The following SNIP1 variants were observed in gnomAD, a reference collection of about 807,000 sequenced individuals.
SNIP1 encodes the protein Smad nuclear interacting protein 1.
SNIP1 carries 23 observed loss-of-function variants against 37.4 expected under a neutral mutation model. The observed-to-expected ratio is 0.61, with a 90% CI of 0.44 to 0.87. The LOEUF is 0.87. Among genes scored for constraint, SNIP1 ranks in the 40% least tolerant of loss-of-function variants. The pLI, the probability that SNIP1 is intolerant of heterozygous loss-of-function variation, is 0.00. For missense variants in SNIP1, 459 were observed against 540.4 expected (o/e 0.85, Z 1.49); for synonymous variants, 174 against 200.0 (o/e 0.87, Z 1.10).
chr1:37,538,556 G>A (rs371143890), intron 3 of SNIP1, among the ~76,000 whole-genome samples: 11 of 151,938 alleles, frequency 7.2e-5, no homozygotes, highest in African/African-American at 2.4e-4. Flanking sequence ...TGGAAGGTGG[G>A]GAGAATCCAT....
rs1553165370 is a variant in SNIP1 at position 37,535,230 on chromosome 1, T to TTTTATATATATATATATATATA, written c.*2517_*2518insTATATATATATATATATATAAA. The TTTTATATATATATATATATATA allele has an allele frequency of 1.6e-3, 28 of 17,268 alleles. 1 individual carries two copies. Among genetic ancestry groups the TTTTATATATATATATATATATA allele is most frequent in the Middle Eastern group, 0.019 (1 of 52 alleles). The allele number at this position is 17,268 out of a possible 1,614,324, so 1.1% of individuals were successfully genotyped here. On this transcript the variant is annotated 3_prime_UTR_variant, in exon 4 of 4. Coordinates refer to ENST00000296215, the MANE Select transcript of SNIP1 (RefSeq NM_024700.4). ...ACTAAAAAAAAATAAAAAATAAAAA[T>TTTTATATATATATATATATATA]TATATATATAAATTAGCCAGGCTTG... is the stretch of plus-strand genomic sequence containing the variant.
chr1:37,544,041 A>G (rs1643201679), intron 2 of SNIP1, among the ~76,000 whole-genome samples: 1 of 151,946 alleles, frequency 6.6e-6, no homozygotes, highest in Admixed American at 6.6e-5. Context: ...GCTACTCGGG[A>G]GGCTGAGGCA....
At chr1:37,543,913 G>A (rs532599764) in intron 2 of SNIP1, among the ~76,000 whole-genome samples, 5 of 152,158 alleles carry the variant, frequency 3.3e-5, no homozygotes, top group African/African-American at 4.8e-5. Flanking sequence ...GGGCAAGGGG[G>A]GGGGCAGGTC....
intron 2 of SNIP1, among the ~76,000 whole-genome samples, chr1:37,546,937 A>G (rs778638420): frequency 1.1e-4 from 17 of 152,194 alleles, no homozygotes; most frequent in Admixed American, 8.5e-4. Context: ...GCTTCAAGTT[A>G]CCAGATTCTC....
At chr1:37,545,431 T>G in intron 2 of SNIP1, 2 of 355,190 alleles carry the variant, frequency 5.6e-6, no homozygotes, top group Non-Finnish European at 1.1e-5. Context: ...ATTTGTACCA[T>G]TCCTTCAAAT....
At position 37,537,865 on chromosome 1, in the gene SNIP1, G is replaced by T; in HGVS notation, c.1074C>A (p.Leu358=). ...ATTCTCTGCTACTGAATCCAAATTT[G>T]AGTACATCCTTTTCTTTTAGTTCAT... ...RYYELKEKDV[L]KFGFSSREYV... is the part of the protein sequence containing the mutation. Residue 358 remains leucine (L), a synonymous_variant, in exon 4 of 4, where the codon CTC becomes CTA. Transcript: ENST00000296215. The T allele has an allele frequency of 6.2e-7, 1 of 1,614,176 alleles. No homozygotes were observed. Among genetic ancestry groups the T allele is most frequent in the Non-Finnish European group, 8.5e-7 (1 of 1,180,040 alleles).
chr1:37,540,832 G>A lies in SNIP1; in HGVS notation c.328-77C>T, dbSNP rs1441700157. 41 of 1,370,206 alleles carry A rather than the reference G, an allele frequency of 3.0e-5. 1 individual carries two copies. The highest frequency in any genetic ancestry group is 6.9e-5 in the East Asian group (3 of 43,198). 84.9% of individuals were successfully genotyped at this position (1,370,206 alleles called of 1,614,324 possible). A position where few individuals can be genotyped will look rare whatever the true frequency, so the allele number is the denominator to read the frequency against. On this transcript the variant is annotated intron_variant, in intron 2 of 3. Coordinates refer to ENST00000296215, the MANE Select transcript of SNIP1 (RefSeq NM_024700.4). This position sits in a 1 kb window ranked among gnomAD's most constrained non-coding sequence, Gnocchi z 5.6. Reference sequence around the variant, plus strand: ...AGCCCAAATCTTGTTCTTTTTGAACGAAGTGCATGCAAAAAGTCTTGTAAT... The same window carrying A: ...AGCCCAAATCTTGTTCTTTTTGAACAAAGTGCATGCAAAAAGTCTTGTAAT...
intron 2 of SNIP1, chr1:37,549,018 C>T (rs1272010149): frequency 6.6e-6 from 1 of 151,258 alleles, no homozygotes. Flanking sequence ...AAATAAAATG[C>T]ATTCAGATTG....
Position 37,537,980 on chromosome 1 carries a change from A to G in SNIP1, c.959T>C (p.Val320Ala), listed in dbSNP as rs371679615. Residue 320 changes from valine (V) to alanine (A), a missense_variant, in exon 4 of 4, where the codon GTT (valine) becomes GCT (alanine). Coordinates refer to ENST00000296215, the MANE Select transcript of SNIP1 (RefSeq NM_024700.4). ...LVEYTRADGT[V>A]GRRVKPYIID... ...GATGTAGGGCTTCACTCTTCGGCCA[A>G]CTGTGCCATCAGCACGGGTATATTC... is the stretch of plus-strand genomic sequence containing the variant. 3.7e-6 allele frequency: 6 copies of G among 1,613,794 alleles called. No individual in the cohort carries two copies. The South Asian group carries it at 4.4e-5, about 12-fold the overall frequency.
chr1:37,548,067 G>C (rs538642602), intron 2 of SNIP1, among the ~76,000 whole-genome samples: 1 of 149,270 alleles, frequency 6.7e-6, no homozygotes, highest in Admixed American at 6.7e-5. Flanking sequence ...CAGGAGAATG[G>C]CGTGAACCCC....
rs986883922 is a variant in SNIP1 at position 37,552,689 on chromosome 1, T to C, written c.283A>G (p.Lys95Glu). Residue 95 changes from lysine (K) to glutamate (E), a missense_variant, in exon 2 of 4, where the codon AAG becomes GAG. Physicochemically the swap from Lys to Glu is moderately conservative, Grantham distance 56. Transcript: ENST00000296215. ...SGRRSKSPRS[K>E]RNRSPHHSTV... ...GAGTGGTGAGGACTTCGGTTTCTCT[T>C]ACTGCGAGGAGACTTGCTTCTTCTC... The C allele has an allele frequency of 1.9e-6, 3 of 1,614,134 alleles. No individual in the cohort carries two copies. The highest frequency in any genetic ancestry group is 2.5e-6 in the Non-Finnish European group (3 of 1,180,054).
intron 2 of SNIP1, chr1:37,541,039 A>G (rs1033513561): frequency 9.8e-6 from 3 of 307,568 alleles, no homozygotes; most frequent in Non-Finnish European, 1.8e-5. Context: ...AGGAGAAGGA[A>G]AAATAATTCC....
At chr1:37,551,578 G>C (rs1388929836) in intron 2 of SNIP1, among the ~76,000 whole-genome samples, 4 of 152,116 alleles carry the variant, frequency 2.6e-5, no homozygotes, top group African/African-American at 9.7e-5. Flanking sequence ...AATCCAATAT[G>C]GCTGAGAAAA....
chr1:37,537,873 C>T lies in SNIP1; in HGVS notation c.1066G>A (p.Asp356Asn). 1 of 1,614,174 alleles carries T rather than the reference C, an allele frequency of 6.2e-7. No individual in the cohort carries two copies. The highest frequency in any genetic ancestry group is 8.5e-7 in the Non-Finnish European group (1 of 1,180,038). Residue 356 changes from aspartate to asparagine, a missense_variant, in exon 4 of 4, where the codon GAT becomes AAT. Transcript: ENST00000296215. The part of the protein sequence containing the change: ...PQRYYELKEK[D>N]VLKFGFSSRE... The stretch of plus-strand genomic sequence containing the variant: ...CTACTGAATCCAAATTTGAGTACAT[C>T]CTTTTCTTTTAGTTCATAGTATCTC...
At position 37,552,666 on chromosome 1, in the gene SNIP1, G is replaced by C. The variant is rs994789666; in HGVS notation, c.306C>G (p.His102Gln). ...TTACCTGCTTCACTTTGACTGTTGAGTGGTGAGGACTTCGGTTTCTCTTAC... is the reference window on the plus strand; with the variant it reads ...TTACCTGCTTCACTTTGACTGTTGACTGGTGAGGACTTCGGTTTCTCTTAC... The part of the protein sequence containing the change: ...PRSKRNRSPH[H>Q]STVKVKQERE... The change falls in exon 2 of 4, where the codon CAC becomes CAG. Residue 102 changes from histidine (H) to glutamine (Q), a missense_variant. Physicochemically the swap from His to Gln is conservative, Grantham distance 24 (BLOSUM62 0). Coordinates refer to ENST00000296215, the MANE Select transcript of SNIP1 (RefSeq NM_024700.4). 9.9e-6 allele frequency: 16 copies of C among 1,614,154 alleles called. No homozygotes were observed. Among genetic ancestry groups the C allele is most frequent in the African/African-American group, 5.3e-5 (4 of 75,018 alleles).
Position 37,537,957 on chromosome 1 carries a change from T to C in SNIP1, c.982A>G (p.Ile328Val), listed in dbSNP as rs769049153. 3.7e-6 allele frequency: 6 copies of C among 1,614,198 alleles called. No individual in the cohort carries two copies. In the Admixed American group the frequency reaches 6.7e-5, roughly 18 times the overall value. The change falls in exon 4 of 4, where the codon ATC becomes GTC. Residue 328 changes from isoleucine to valine, a missense_variant. By Grantham distance (29) the Ile-to-Val change is conservative (BLOSUM62 3). Transcript: ENST00000296215. ...CCATTGCCTGAGCCAAGGTCAATGATGTAGGGCTTCACTCTTCGGCCAACT... is the reference window on the plus strand; with the variant it reads ...CCATTGCCTGAGCCAAGGTCAATGACGTAGGGCTTCACTCTTCGGCCAACT... Reference protein sequence around the residue: ...GTVGRRVKPYIIDLGSGNGTF... With the variant: ...GTVGRRVKPYVIDLGSGNGTF...
intron 2 of SNIP1, among the ~76,000 whole-genome samples, chr1:37,548,606 G>A (rs1007340265): frequency 1.3e-5 from 2 of 151,860 alleles, no homozygotes; most frequent in Non-Finnish European, 2.9e-5. Context: ...CACTGTGATC[G>A]GCCCAGACTC....
chr1:37,544,520 C>T (rs1643208174), intron 2 of SNIP1, among the ~76,000 whole-genome samples: 1 of 150,670 alleles, frequency 6.6e-6, no homozygotes, highest in South Asian at 2.1e-4. Flanking sequence ...CATTCATGTA[C>T]AAAAATGTTG....
intron 3 of SNIP1, among the ~76,000 whole-genome samples, chr1:37,539,804 AG>A: frequency 6.6e-6 from 1 of 152,216 alleles, no homozygotes; most frequent in Non-Finnish European, 1.5e-5. Context: ...TTTCAAAATT[AG>A]CTGGGCACAG....
Sources: allele counts gnomAD v4.1 joint callset (sites outside exome capture counted in the v4.1 genomes callset), GRCh38; gene constraint gnomAD v4.1.1; non-coding constraint Gnocchi (gnomAD v3.1); transcripts MANE v1.5; gene names NCBI Gene and HGNC (gene_info 2026-07-23, HGNC 2026-07-21).